The following SEMA3F variants were observed in gnomAD, a reference collection of about 807,000 sequenced individuals.
SEMA3F encodes the protein semaphorin 3F.
In SEMA3F, 30 loss-of-function variants were observed where a neutral mutation model predicts 98.5. That is an observed-to-expected ratio of 0.30 (90% CI 0.23 to 0.41). The LOEUF is 0.41. Among genes scored for constraint, SEMA3F ranks in the 10% least tolerant of loss-of-function variants. SEMA3F has a pLI of 1.00. For synonymous variants in SEMA3F, 380 were observed against 444.8 expected, an observed-to-expected ratio of 0.85 and a Z score of 1.83; for missense variants, 866 against 1,119.3, an observed-to-expected ratio of 0.77 and a Z score of 3.23.
intron 2 of SEMA3F, among the ~76,000 whole-genome samples, chr3:50,163,662 G>C (rs935809389): frequency 1.3e-5 from 2 of 152,338 alleles, no homozygotes; most frequent in Admixed American, 1.3e-4. Flanking sequence ...AGAGCTAGAG[G>C]ACATGCTCTT....
At position 50,187,695 on chromosome 3, in the gene SEMA3F, GC is replaced by G. The variant is rs752101141; in HGVS notation, c.1948-6del. On this transcript the variant is annotated splice_polypyrimidine_tract_variant and intron_variant, in intron 18 of 18. Coordinates refer to ENST00000002829, the MANE Select transcript of SEMA3F (RefSeq NM_004186.5). Reference sequence around the variant, plus strand: ...CAGAGCCTCTGAACCCCCTCTCCTTGCCCCTGCAGATTCGTGCAGAGGACCG... The same window carrying G: ...CAGAGCCTCTGAACCCCCTCTCCTTGCCCTGCAGATTCGTGCAGAGGACCG... The G allele has an allele frequency of 6.4e-7, 1 of 1,568,102 alleles. No individual in the cohort carries two copies. The highest frequency in any genetic ancestry group is 2.3e-5 in the East Asian group (1 of 43,624).
chr3:50,160,411 T>C (rs1168860202), intron 2 of SEMA3F, among the ~76,000 whole-genome samples: 4 of 152,070 alleles, frequency 2.6e-5, no homozygotes, highest in Non-Finnish European at 5.9e-5. Flanking sequence ...GTCTGCAGAG[T>C]GAGAGGCTGG....
rs769336711 is a variant in SEMA3F at position 50,183,418 on chromosome 3, A to G, written c.1089-2A>G. On this transcript the variant is annotated splice_acceptor_variant, in intron 11 of 18. Transcript: ENST00000002829. LOFTEE classifies it high-confidence loss of function. Reference sequence around the variant, plus strand: ...GCTCAGCAGCGCCTGCCATGCCCACAGCTCCGTGTTCCGAGGCTCTGCCGT... The same window carrying G: ...GCTCAGCAGCGCCTGCCATGCCCACGGCTCCGTGTTCCGAGGCTCTGCCGT... 1.2e-6 allele frequency: 2 copies of G among 1,613,922 alleles called. No individual in the cohort carries two copies. The highest frequency in any genetic ancestry group is 8.5e-7 in the Non-Finnish European group (1 of 1,179,956).
chr3:50,169,323 C>T (rs201968098), intron 2 of SEMA3F, among the ~76,000 whole-genome samples: 11 of 152,200 alleles, frequency 7.2e-5, no homozygotes, highest in Non-Finnish European at 1.5e-4. Context: ...GACCCAGCCC[C>T]GTGTGCCTTG....
chr3:50,170,777 G>A (rs975986235), intron 2 of SEMA3F, among the ~76,000 whole-genome samples: 4 of 151,908 alleles, frequency 2.6e-5, no homozygotes, highest in East Asian at 1.9e-4. Context: ...CCCACCATGC[G>A]CGACCTCCTG....
At chr3:50,157,071 C>G (rs979726378) in intron 1 of SEMA3F, among the ~76,000 whole-genome samples, 17 of 152,024 alleles carry the variant, frequency 1.1e-4, no homozygotes, top group African/African-American at 4.8e-5. Context: ...CCCCATGTTC[C>G]CCTACGGCCC....
rs772744126 is a variant in SEMA3F at position 50,183,181 on chromosome 3, C to T, written c.1019-5C>T. 1.2e-6 allele frequency: 2 copies of T among 1,613,620 alleles called. No individual in the cohort carries two copies. Among genetic ancestry groups the T allele is most frequent in the East Asian group, 2.2e-5 (1 of 44,876 alleles). On this transcript the variant is annotated splice_polypyrimidine_tract_variant and splice_region_variant and intron_variant, in intron 10 of 18. Transcript: ENST00000002829. ...CCCTCCAACACCTTCTCCCTCTGTC[C>T]CCAGAGGACGTGTTTGTCCAGCAGA...
intron 13 of SEMA3F, 44 bp from the exon 14 acceptor site, chr3:50,185,399 C>A: frequency 6.5e-7 from 1 of 1,545,488 alleles, no homozygotes; most frequent in South Asian, 1.2e-5. Context: ...TACCCCTTCC[C>A]CAGCATCCCC....
At chr3:50,162,249 A>G (rs1228868784) in intron 2 of SEMA3F, among the ~76,000 whole-genome samples, 1 of 152,200 alleles carries the variant, frequency 6.6e-6, no homozygotes, top group Non-Finnish European at 1.5e-5. Context: ...CAAAGGCAGG[A>G]ACTGGGCCAG....
At chr3:50,185,393 C>A (rs1161308978) in intron 13 of SEMA3F, 50 bp from the exon 14 acceptor site, 4 of 1,513,878 alleles carry the variant, frequency 2.6e-6, no homozygotes, top group Non-Finnish European at 3.6e-6. Context: ...GGCTGGTACC[C>A]CTTCCCCAGC....
Position 50,186,626 on chromosome 3 carries a change from C to T in SEMA3F, c.1827C>T (p.Ala609=), listed in dbSNP as rs372490875. The stretch of plus-strand genomic sequence containing the variant: ...CTCACTCTAAAGCCAACAAGAATGC[C>T]GTGGAGTCTGTGCAGTATGGCGTGG... ...RGFNSNANKN[A]VESVQYGVAG... The change falls in exon 18 of 19, where the codon GCC becomes GCT. Residue 609 remains alanine, a synonymous_variant. Coordinates refer to ENST00000002829, the MANE Select transcript of SEMA3F (RefSeq NM_004186.5). 219 of 1,596,500 alleles carry T rather than the reference C, an allele frequency of 1.4e-4. 1 individual carries two copies. Among genetic ancestry groups the T allele is most frequent in the South Asian group, 4.4e-4 (40 of 90,396 alleles).
intron 2 of SEMA3F, among the ~76,000 whole-genome samples, chr3:50,169,564 A>C (rs934845998): frequency 6.6e-6 from 1 of 152,038 alleles, no homozygotes; most frequent in Non-Finnish European, 1.5e-5. Context: ...CCCAGGAGAC[A>C]GCACCCAGGC....
chr3:50,161,568 A>G (rs1698210174), intron 2 of SEMA3F, among the ~76,000 whole-genome samples: 1 of 152,132 alleles, frequency 6.6e-6, no homozygotes, highest in South Asian at 2.1e-4. Context: ...ACCTGGGGCC[A>G]CCCATCCCAG....
At chr3:50,162,615 C>G (rs1284409477) in intron 2 of SEMA3F, among the ~76,000 whole-genome samples, 1 of 152,188 alleles carries the variant, frequency 6.6e-6, no homozygotes, top group Non-Finnish European at 1.5e-5. Flanking sequence ...TTGAGATGAC[C>G]CAGGCTCTGG....
At chr3:50,174,166 G>A (rs751406852) in intron 4 of SEMA3F, 52 bp downstream of exon 4, 1 of 1,613,932 alleles carries the variant, frequency 6.2e-7, no homozygotes, top group South Asian at 1.1e-5. Context: ...AGGTGGGAAG[G>A]TACTGCCCCC....
At chr3:50,185,393 CCTTCCCCAG>C in intron 13 of SEMA3F, 41 bp from the exon 14 acceptor site, 3 of 1,513,878 alleles carry the variant, frequency 2.0e-6, no homozygotes, top group Non-Finnish European at 2.7e-6. Flanking sequence ...GGCTGGTACC[CCTTCCCCAG>C]CATCCCCAGC....
chr3:50,173,525 C>G, intron 2 of SEMA3F: 1 of 438,172 alleles, frequency 2.3e-6, no homozygotes, highest in Non-Finnish European at 4.1e-6. Flanking sequence ...GCCTGTAATC[C>G]CAGCTAGTCA....
chr3:50,184,543 C>A, intron 12 of SEMA3F, 49 bp from the exon 13 acceptor site: 1 of 1,431,010 alleles, frequency 7.0e-7, no homozygotes, highest in Non-Finnish European at 9.8e-7. Context: ...ATGGCTCCAG[C>A]CTGCCCTGCC....
chr3:50,176,879 C>T lies in SEMA3F; in HGVS notation c.643+18C>T. On this transcript the variant is annotated intron_variant, in intron 7 of 18. Transcript: ENST00000002829. ...CCTCATCAGTGAGTGCCCCCCAACC[C>T]CGCTCTACAGTCTCAATGTGTGGCC... The T allele has an allele frequency of 6.3e-7, 1 of 1,592,384 alleles. No homozygotes were observed. Among genetic ancestry groups the T allele is most frequent in the Non-Finnish European group, 8.6e-7 (1 of 1,160,702 alleles).
Sources: gnomAD v4.1 joint callset for allele counts (sites outside exome capture counted in the v4.1 genomes callset) on GRCh38, gnomAD v4.1.1 for gene constraint, MANE v1.5 for transcripts, NCBI Gene and HGNC (gene_info 2026-07-23, HGNC 2026-07-21) for gene names.